TMEM117: variants seen among roughly 807,000 people sequenced by gnomAD.
TMEM117 encodes the protein transmembrane protein 117.
TMEM117 carries 27 observed loss-of-function variants against 52.4 expected under a neutral mutation model. The ratio of observed to expected loss-of-function variants is 0.51; its 90% confidence interval spans 0.38 to 0.71. TMEM117 has a LOEUF of 0.71. Ranked by LOEUF, TMEM117 falls within the 30% of genes least tolerant of loss-of-function variation. The pLI is 0.00. For missense variants in TMEM117, 556 were observed against 630.5 expected (o/e 0.88, Z 1.26); for synonymous variants, 215 against 206.3 (o/e 1.04, Z -0.36).
chr12:44,072,677 T>C (rs1345372595), intron 3 of TMEM117, among the ~76,000 whole-genome samples: 2 of 152,184 alleles, frequency 1.3e-5, no homozygotes, highest in African/African-American at 4.8e-5. Flanking sequence ...ATATAACAAA[T>C]AACCTGAATA....
chr12:44,255,803 C>T (rs1950253638), intron 5 of TMEM117, among the ~76,000 whole-genome samples: 1 of 152,062 alleles, frequency 6.6e-6, no homozygotes, highest in South Asian at 2.1e-4. Flanking sequence ...TCATTTTCCG[C>T]TATACCCTTT....
At chr12:44,148,507 T>C (rs1299840621) in intron 4 of TMEM117, among the ~76,000 whole-genome samples, 2 of 152,242 alleles carry the variant, frequency 1.3e-5, no homozygotes, top group Non-Finnish European at 2.9e-5. Context: ...TTTAACTGTG[T>C]CTATTTTATG....
In TMEM117 at chr12:44,041,341, T is replaced by G. The variant is rs1052494761; in HGVS notation, c.410+96999T>G. ...GAGCTACATTAATTATTTACAAAAA[T>G]TAACCATTTAGCAGATCAGCTATAA... On this transcript the variant is annotated intron_variant, in intron 3 of 7. Coordinates refer to ENST00000266534, the MANE Select transcript of TMEM117 (RefSeq NM_032256.3). Among the ~76,000 whole-genome samples, 5 of 148,130 alleles carry G rather than the reference T, an allele frequency of 3.4e-5. 1 individual carries two copies. Among genetic ancestry groups the G allele is most frequent in the Non-Finnish European group, 4.4e-5 (3 of 67,484 alleles).
rs184670103 is a variant in TMEM117, at chr12:43,902,699, G to A, written c.278-41511G>A. 1.5e-3 allele frequency among the ~76,000 whole-genome samples: 235 copies of A among 152,284 alleles called. 1 individual carries two copies. The highest frequency in any genetic ancestry group is 1.8e-3 in the Non-Finnish European group (122 of 68,022). On this transcript the variant is annotated intron_variant, in intron 2 of 7. Transcript: ENST00000266534. ...GAGGGATACATGATGACCCAGAGGA[G>A]CCAGTCCTAGATTCAGTGCTATTTA... is the stretch of plus-strand genomic sequence containing the variant.
chr12:44,032,488 G>A (rs535858597), intron 3 of TMEM117, among the ~76,000 whole-genome samples: 10 of 152,208 alleles, frequency 6.6e-5, no homozygotes, highest in African/African-American at 2.2e-4. Flanking sequence ...TATTCTAATC[G>A]TGGCCACATA....
chr12:44,021,812 G>A (rs1337448814), intron 3 of TMEM117, among the ~76,000 whole-genome samples: 1 of 152,104 alleles, frequency 6.6e-6, no homozygotes, highest in African/African-American at 2.4e-5. Flanking sequence ...CTCCTTCTGA[G>A]TAGTGACCAC....
chr12:43,956,731 G>A (rs1195277163), intron 3 of TMEM117, among the ~76,000 whole-genome samples: 1 of 152,178 alleles, frequency 6.6e-6, no homozygotes, highest in Non-Finnish European at 1.5e-5. Context: ...AACCATTGTG[G>A]AAGACAGTGT....
chr12:43,818,155 C>T, the TMEM117 span, among the ~76,000 whole-genome samples: 2 of 152,114 alleles, frequency 1.3e-5, no homozygotes, highest in African/African-American at 2.4e-5. Flanking sequence ...TCTCCATGCA[C>T]GTTAAAACTT....
Position 44,389,057 on chromosome 12 carries a change from GTTTTGT to G in TMEM117, c.*386_*391del. 1 of 145,666 alleles carries G rather than the reference GTTTTGT, an allele frequency of 6.9e-6. No individual in the cohort carries two copies. The highest frequency in any genetic ancestry group is 1.5e-5 in the Non-Finnish European group (1 of 66,088). The allele number at this position is 145,666 out of a possible 1,614,324, so 9.0% of individuals were successfully genotyped here. On this transcript the variant is annotated 3_prime_UTR_variant, in exon 8 of 8. Coordinates refer to ENST00000266534, the MANE Select transcript of TMEM117 (RefSeq NM_032256.3). Reference sequence around the variant, plus strand: ...GTTACCTAACCTATTTCACATGGGCGTTTTGTATACAACTATTTTGATCTACACTTG... The same window carrying G: ...GTTACCTAACCTATTTCACATGGGCGATACAACTATTTTGATCTACACTTG...
At chr12:43,848,868 C>T (rs1943258028) in intron 2 of TMEM117, among the ~76,000 whole-genome samples, 1 of 152,112 alleles carries the variant, frequency 6.6e-6, no homozygotes, top group Non-Finnish European at 1.5e-5. Flanking sequence ...GTTCGGAGTC[C>T]CTGACTTCCT....
At chr12:43,840,573 A>G (rs1468925896) in intron 1 of TMEM117, among the ~76,000 whole-genome samples, 1 of 152,140 alleles carries the variant, frequency 6.6e-6, no homozygotes, top group African/African-American at 2.4e-5. Flanking sequence ...CACCTAAACA[A>G]TGAGGGAGCT....
At chr12:44,302,302 T>C (rs1379579367) in intron 6 of TMEM117, among the ~76,000 whole-genome samples, 1 of 152,228 alleles carries the variant, frequency 6.6e-6, no homozygotes, top group Non-Finnish European at 1.5e-5. Context: ...GCTCTCTGAG[T>C]GCCCTCCATG....
At chr12:43,893,029 G>C (rs1944136053) in intron 2 of TMEM117, among the ~76,000 whole-genome samples, 1 of 152,230 alleles carries the variant, frequency 6.6e-6, no homozygotes, top group African/African-American at 2.4e-5. Flanking sequence ...GAAACAGCAA[G>C]AAGGACAGCG....
chr12:44,252,292 G>C (rs1048027460), intron 5 of TMEM117, among the ~76,000 whole-genome samples: 4 of 152,136 alleles, frequency 2.6e-5, no homozygotes, highest in Admixed American at 6.6e-5. Flanking sequence ...GATCACTTAA[G>C]TCCAGAGTTC....
chr12:44,233,595 C>T (rs1440154070), intron 5 of TMEM117, among the ~76,000 whole-genome samples: 1 of 151,258 alleles, frequency 6.6e-6, no homozygotes, highest in African/African-American at 2.4e-5. Context: ...CAATAATTGA[C>T]ATTTACCTTC....
At chr12:44,099,448 C>T (rs1442509552) in intron 3 of TMEM117, among the ~76,000 whole-genome samples, 1 of 151,888 alleles carries the variant, frequency 6.6e-6, no homozygotes, top group Non-Finnish European at 1.5e-5. Context: ...GGTAAAAATA[C>T]TTGGGTATAT....
chr12:44,135,640 A>G (rs1948479354), intron 3 of TMEM117, among the ~76,000 whole-genome samples: 1 of 152,152 alleles, frequency 6.6e-6, no homozygotes, highest in South Asian at 2.1e-4. Context: ...GAAAAGAAGA[A>G]AGGGAAGAAG....
intron 3 of TMEM117, among the ~76,000 whole-genome samples, chr12:43,972,329 G>A (rs4768058): frequency 0.9 from 136,290 of 152,224 alleles, 61,761 homozygotes; most frequent in Non-Finnish European, 0.96. Flanking sequence ...GGTTCCTTCC[G>A]GTGGGTTCTT....
At chr12:44,245,375 C>G (rs957703182) in intron 5 of TMEM117, among the ~76,000 whole-genome samples, 1 of 151,928 alleles carries the variant, frequency 6.6e-6, no homozygotes, top group Non-Finnish European at 1.5e-5. Flanking sequence ...CAGTTTCTTT[C>G]ATCAATATTT....
Sources: allele counts gnomAD v4.1 joint callset (sites outside exome capture counted in the v4.1 genomes callset), GRCh38; gene constraint gnomAD v4.1.1; transcripts MANE v1.5; gene names NCBI Gene and HGNC (gene_info 2026-07-23, HGNC 2026-07-21).